The following WDR12 variants were observed in gnomAD, a reference collection of about 807,000 sequenced individuals.
WDR12 encodes the protein WD repeat domain 12.
A neutral mutation model predicts 64.3 loss-of-function variants in WDR12; 42 were observed. That is an observed-to-expected ratio of 0.65 (90% CI 0.51 to 0.84). The LOEUF is 0.84. WDR12 is among the 40% of genes least tolerant of loss of function. WDR12 has a pLI of 0.00. For synonymous variants in WDR12, 158 were observed against 173.3 expected, an observed-to-expected ratio of 0.91 and a Z score of 0.70; for missense variants, 469 against 494.6, an observed-to-expected ratio of 0.95 and a Z score of 0.49.
chr2:202,909,433 CA>C (rs1011534097), intron 1 of WDR12, among the ~76,000 whole-genome samples: 3 of 152,058 alleles, frequency 2.0e-5, no homozygotes, highest in African/African-American at 7.2e-5. Context: ...AAGCCAGTCA[CA>C]AAAGATCACA....
At chr2:202,895,690 T>C (rs923801054) in intron 6 of WDR12, among the ~76,000 whole-genome samples, 1 of 4,608 alleles carries the variant, frequency 2.2e-4, no homozygotes, top group African/African-American at 3.0e-4. Context: ...GCCCGGCTTA[T>C]TTTTTTTTTT....
Position 202,903,500 on chromosome 2 carries a change from G to GAAGT in WDR12, c.137-2385_137-2382dup, listed in dbSNP as rs1553542616. 7.2e-4 allele frequency among the ~76,000 whole-genome samples: 83 copies of GAAGT among 115,222 alleles called. 1 individual carries two copies. Among genetic ancestry groups the GAAGT allele is most frequent in the African/African-American group, 2.4e-3 (76 of 31,750 alleles). The allele number at this position is 115,222 out of a possible 152,430, so 75.6% of individuals were successfully genotyped here. A position where few individuals can be genotyped will look rare whatever the true frequency, so the allele number is the denominator to read the frequency against. ...GGAAGGAAGGAAGGAAGGAAGGAAG[G>GAAGT]AAGTGAGGGAGGGAGGGAGGGAGGG... On this transcript the variant is annotated intron_variant, in intron 2 of 12. Coordinates refer to ENST00000261015, the MANE Select transcript of WDR12 (RefSeq NM_018256.4).
intron 2 of WDR12, among the ~76,000 whole-genome samples, chr2:202,901,501 T>C (rs989813155): frequency 6.6e-6 from 1 of 152,230 alleles, no homozygotes; most frequent in African/African-American, 2.4e-5. Flanking sequence ...TACTTTAGTA[T>C]GTATCTCTAA....
chr2:202,901,123 A>T lies in WDR12; in HGVS notation c.137-4T>A. ...AACTCCACATGTTTGTGGAACTCTG[A>T]GGAAAATACATAACAAAATTATCAC... On this transcript the variant is annotated splice_polypyrimidine_tract_variant and splice_region_variant and intron_variant, in intron 2 of 12. Transcript: ENST00000261015. 1 of 1,584,382 alleles carries T rather than the reference A, an allele frequency of 6.3e-7. No individual in the cohort carries two copies. The highest frequency in any genetic ancestry group is 8.6e-7 in the Non-Finnish European group (1 of 1,158,858).
chr2:202,884,629 G>A, intron 8 of WDR12, 94 bp from the exon 9 acceptor site: 1 of 1,292,862 alleles, frequency 7.7e-7, no homozygotes, highest in Non-Finnish European at 1.0e-6. Flanking sequence ...CCACATGACA[G>A]AGACAAACTG....
At position 202,875,115 on chromosome 2, in the gene WDR12, A is replaced by G. The variant is rs1298838708; in HGVS notation, c.*5745T>C. On this transcript the variant is annotated 3_prime_UTR_variant, in exon 13 of 13. Transcript: ENST00000261015. ...TTAATTGGTTACATACCTTCACACT[A>G]GGTACTTAACCTGTCTGCATTGTGG... 2 of 152,174 alleles carry G rather than the reference A, an allele frequency of 1.3e-5. No individual in the cohort carries two copies. 9.4% of individuals were successfully genotyped at this position (152,174 alleles called of 1,614,324 possible).
intron 12 of WDR12, among the ~76,000 whole-genome samples, chr2:202,881,942 T>C (rs1200680116): frequency 1.3e-5 from 2 of 152,068 alleles, no homozygotes; most frequent in Non-Finnish European, 1.5e-5. Flanking sequence ...TTCCTAGTAT[T>C]ATTATTATTT....
intron 10 of WDR12, among the ~76,000 whole-genome samples, chr2:202,883,976 C>A (rs184853281): frequency 1.6e-3 from 249 of 152,236 alleles, no homozygotes; most frequent in Non-Finnish European, 3.1e-3. Context: ...CCACACCCAG[C>A]TGATTTTTGT....
chr2:202,882,052 C>T (rs1259020137), intron 12 of WDR12, among the ~76,000 whole-genome samples: 1 of 151,930 alleles, frequency 6.6e-6, no homozygotes, highest in South Asian at 2.1e-4. Context: ...CCTCCTGCTT[C>T]AGGCTCAAGT....
At chr2:202,882,822 A>G (rs1245158644) in intron 11 of WDR12, 39 bp from the exon 12 acceptor site, 1 of 1,588,204 alleles carries the variant, frequency 6.3e-7, no homozygotes, top group Admixed American at 1.7e-5. Flanking sequence ...ATGCATTCAC[A>G]GTGTTAAAAC....
chr2:202,881,067 T>A, intron 12 of WDR12, 130 bp from the exon 13 acceptor site: 1 of 695,692 alleles, frequency 1.4e-6, no homozygotes, highest in Non-Finnish European at 2.2e-6. Context: ...TAACTTGCAT[T>A]GAGAGTGAGT....
rs1455767726 is a variant in WDR12, at chr2:202,901,040, C to T, written c.216G>A (p.Met72Ile). The T allele has an allele frequency of 2.5e-6, 4 of 1,591,590 alleles. No individual in the cohort carries two copies. Among genetic ancestry groups the T allele is most frequent in the Non-Finnish European group, 3.4e-6 (4 of 1,164,664 alleles). ...LRMPLDKHME[M>I]ENISSEEVVE... The stretch of plus-strand genomic sequence containing the variant: ...TTGAACTTACTGATGAGATGTTCTC[C>T]ATTTCCATGTGTTTGTCCAAGGGCA... Residue 72 changes from methionine (M) to isoleucine (I), a missense_variant, in exon 3 of 13, where the codon ATG becomes ATA. Coordinates refer to ENST00000261015, the MANE Select transcript of WDR12 (RefSeq NM_018256.4).
In WDR12 at chr2:202,877,257, TC is replaced by T. The variant is rs1687874744; in HGVS notation, c.*3602del. 1 of 151,006 alleles carries T rather than the reference TC, an allele frequency of 6.6e-6. No homozygotes were observed. Among genetic ancestry groups the T allele is most frequent in the African/African-American group, 2.4e-5 (1 of 41,398 alleles). The allele number at this position is 151,006 out of a possible 1,614,324, so 9.4% of individuals were successfully genotyped here. A position where few individuals can be genotyped will look rare whatever the true frequency, so the allele number is the denominator to read the frequency against. Reference sequence around the variant, plus strand: ...TTGACAACAGTTCCAAAATGGTAATTCCAAATTCAAAGGAAAAGAAAATATT... The same window carrying T: ...TTGACAACAGTTCCAAAATGGTAATTCAAATTCAAAGGAAAAGAAAATATT... On this transcript the variant is annotated 3_prime_UTR_variant, in exon 13 of 13. Coordinates refer to ENST00000261015, the MANE Select transcript of WDR12 (RefSeq NM_018256.4).
At chr2:202,892,469 T>G (rs576511142) in intron 8 of WDR12, 148 bp downstream of exon 8, 7 of 488,306 alleles carry the variant, frequency 1.4e-5, no homozygotes, top group Admixed American at 1.2e-4. Context: ...TAATAAAAAT[T>G]TACAAGTCTA....
chr2:202,893,356 A>G (rs1026377406), intron 7 of WDR12, among the ~76,000 whole-genome samples: 3 of 152,094 alleles, frequency 2.0e-5, no homozygotes, highest in African/African-American at 4.8e-5. Flanking sequence ...GGATATTAAT[A>G]TTTCTCAAAC....
chr2:202,893,156 TGA>T (rs926909869), intron 7 of WDR12, among the ~76,000 whole-genome samples: 4 of 152,152 alleles, frequency 2.6e-5, no homozygotes, highest in Admixed American at 6.5e-5. Context: ...CTGGTTTTTT[TGA>T]GTTTTTAAAA....
chr2:202,911,593 G>C lies in WDR12; in HGVS notation c.-117C>G, dbSNP rs1688658444. On this transcript the variant is annotated 5_prime_UTR_variant, in exon 1 of 13. Transcript: ENST00000261015. ...GCTCAAAATTAGACTGCACAGGTAA[G>C]CGAGGAACTGCAGTCTAAGCCTGGA... 1.1e-6 allele frequency: 1 copy of C among 912,204 alleles called. No individual in the cohort carries two copies. Among genetic ancestry groups the C allele is most frequent in the Non-Finnish European group, 1.8e-6 (1 of 551,852 alleles). The allele number at this position is 912,204 out of a possible 1,614,324, so 56.5% of individuals were successfully genotyped here. A position where few individuals can be genotyped will look rare whatever the true frequency, so the allele number is the denominator to read the frequency against.
chr2:202,909,120 A>C (rs1387149755), intron 1 of WDR12, among the ~76,000 whole-genome samples: 3 of 152,206 alleles, frequency 2.0e-5, no homozygotes, highest in Non-Finnish European at 2.9e-5. Flanking sequence ...GCTTTGGAAA[A>C]CAGTCTGGCA....
At chr2:202,894,458 G>C (rs1288543490) in intron 7 of WDR12, 123 bp downstream of exon 7, 3 of 751,030 alleles carry the variant, frequency 4.0e-6, no homozygotes, top group East Asian at 6.0e-5. Context: ...GTGGCCTCAA[G>C]TGATCCTTCT....
Sources: allele counts gnomAD v4.1 joint callset (sites outside exome capture counted in the v4.1 genomes callset), GRCh38; gene constraint gnomAD v4.1.1; transcripts MANE v1.5; gene names NCBI Gene and HGNC (gene_info 2026-07-23, HGNC 2026-07-21).